Variants in CEP85L observed in about 807,000 individuals in gnomAD.
CEP85L encodes centrosomal protein of 85 kDa-like.
In CEP85L, 60 loss-of-function variants were observed where a neutral mutation model predicts 100.3. That is an observed-to-expected ratio of 0.60 (90% CI 0.49 to 0.74). The LOEUF is 0.74. CEP85L is among the 30% of genes least tolerant of loss of function. The probability of loss-of-function intolerance (pLI) is 0.00; values close to 1 mark genes in which losing one functional copy is unlikely to be tolerated. For synonymous variants in CEP85L, 319 were observed against 322.7 expected (o/e 0.99, Z 0.12); for missense variants, 973 against 936.2 (o/e 1.04, Z -0.51).
chr6:118,651,810 C>T (rs1775590677), upstream of CEP85L: 1 of 985,684 alleles, frequency 1.0e-6, no homozygotes, highest in Admixed American at 6.1e-5. Context: ...CATCCTCCCG[C>T]CCTGCGAGTT....
intron 4 of CEP85L, among the ~76,000 whole-genome samples, chr6:118,518,022 T>C (rs1234554372): frequency 8.5e-5 from 13 of 152,166 alleles, no homozygotes. Context: ...TTTTATGTGA[T>C]GGATTACATT....
intron 6 of CEP85L, among the ~76,000 whole-genome samples, chr6:118,484,269 T>C (rs891281119): frequency 6.6e-6 from 1 of 152,228 alleles, no homozygotes; most frequent in Non-Finnish European, 1.5e-5. Context: ...TGAGCCGAGA[T>C]TGTGCCACTG....
chr6:118,610,159 G>A (rs538207933), intron 2 of CEP85L, among the ~76,000 whole-genome samples: 2 of 152,100 alleles, frequency 1.3e-5, no homozygotes, highest in Non-Finnish European at 2.9e-5. Flanking sequence ...GAGGCTCAAA[G>A]AAGTCAGAAA....
At chr6:118,517,205 AGGATTGTCTT>A (rs1776335812) in intron 4 of CEP85L, among the ~76,000 whole-genome samples, 1 of 152,222 alleles carries the variant, frequency 6.6e-6, no homozygotes, top group Admixed American at 6.5e-5. Flanking sequence ...CTTTTTGCTT[AGGATTGTCTT>A]GGCTATCTAG....
At chr6:118,542,207 A>T (rs1159032998) in intron 3 of CEP85L, among the ~76,000 whole-genome samples, 1 of 152,200 alleles carries the variant, frequency 6.6e-6, no homozygotes, top group Non-Finnish European at 1.5e-5. Flanking sequence ...AATTTGTAAC[A>T]TATATTTTTA....
intron 3 of CEP85L, chr6:118,559,345 T>C: frequency 2.3e-6 from 1 of 435,046 alleles, no homozygotes. Flanking sequence ...TCAACATGGC[T>C]CACAAATTTC....
chr6:118,592,695 T>C (rs1364951628), intron 2 of CEP85L, among the ~76,000 whole-genome samples: 8 of 152,144 alleles, frequency 5.3e-5, no homozygotes, highest in Admixed American at 1.3e-4. Context: ...ATTTTTTAAT[T>C]AAATGAAAAA....
At chr6:118,520,500 A>G (rs1284638518) in intron 4 of CEP85L, among the ~76,000 whole-genome samples, 1 of 152,216 alleles carries the variant, frequency 6.6e-6, no homozygotes, top group Non-Finnish European at 1.5e-5. Flanking sequence ...AATTAGAGCA[A>G]TTAGCATATC....
intron 1 of CEP85L, among the ~76,000 whole-genome samples, chr6:118,650,225 C>T (rs1189748760): frequency 6.6e-6 from 1 of 152,112 alleles, no homozygotes; most frequent in East Asian, 1.9e-4. Flanking sequence ...GTATATATGG[C>T]ATTGTTTTTT....
chr6:118,703,606 T>G (rs568111766), intron 1 of CEP85L, among the ~76,000 whole-genome samples: 15 of 152,228 alleles, frequency 9.9e-5, no homozygotes, highest in South Asian at 6.2e-4. Flanking sequence ...AATATAAGTA[T>G]GTAACTTCAC....
chr6:118,709,530 G>GGTGTGTGTGTGTGTGTGTGT (rs1348981081), intron 1 of CEP85L, among the ~76,000 whole-genome samples: 1 of 9,222 alleles, frequency 1.1e-4, no homozygotes, highest in Non-Finnish European at 3.5e-4. Flanking sequence ...AACAACAATT[G>GGTGTGTGTGTGTGTGTGTGT]GCGTGTGTGT....
At chr6:118,646,660 CA>C (rs1049350003) in intron 1 of CEP85L, among the ~76,000 whole-genome samples, 2 of 150,986 alleles carry the variant, frequency 1.3e-5, no homozygotes, top group Admixed American at 6.6e-5. Flanking sequence ...GACTCTGTCT[CA>C]AAAAAAATAA....
intron 5 of CEP85L, among the ~76,000 whole-genome samples, chr6:118,510,057 G>C (rs1394698450): frequency 6.6e-6 from 1 of 152,048 alleles, no homozygotes. Context: ...AGAAGGAATA[G>C]ACAAACTTGT....
intron 5 of CEP85L, among the ~76,000 whole-genome samples, chr6:118,493,806 C>T (rs1337224281): frequency 6.6e-6 from 1 of 151,864 alleles, no homozygotes; most frequent in Non-Finnish European, 1.5e-5. Context: ...TAATTAGAGC[C>T]TATGATTATT....
At chr6:118,616,084 A>T (rs1203232050) in intron 2 of CEP85L, among the ~76,000 whole-genome samples, 1 of 152,164 alleles carries the variant, frequency 6.6e-6, no homozygotes, top group African/African-American at 2.4e-5. Flanking sequence ...CTCAAAATGG[A>T]TCACAAATAT....
chr6:118,637,703 CAAAA>C (rs11388747), intron 1 of CEP85L, among the ~76,000 whole-genome samples: 4 of 45,440 alleles, frequency 8.8e-5, no homozygotes, highest in Admixed American at 5.9e-4. Context: ...AAGACTGTCT[CAAAA>C]AAAAAAAAAA....
At chr6:118,467,515 A>T (rs1772618617) in intron 12 of CEP85L, among the ~76,000 whole-genome samples, 1 of 152,174 alleles carries the variant, frequency 6.6e-6, no homozygotes, top group Non-Finnish European at 1.5e-5. Context: ...ACTGGCTGGT[A>T]AAACTTTCAC....
At chr6:118,607,841 C>T (rs191390284) in intron 2 of CEP85L, among the ~76,000 whole-genome samples, 1 of 152,202 alleles carries the variant, frequency 6.6e-6, no homozygotes, top group African/African-American at 2.4e-5. Context: ...TTACTAGACC[C>T]CACCACTTAC....
chr6:118,551,003 A>G lies in CEP85L; in HGVS notation c.1020+14526T>C, dbSNP rs577497213. Among the ~76,000 whole-genome samples, 10 of 151,936 alleles carry G rather than the reference A, an allele frequency of 6.6e-5. No individual in the cohort carries two copies. In the South Asian group the frequency reaches 2.1e-3, roughly 32 times the overall value. On this transcript the variant is annotated intron_variant, in intron 3 of 12. Transcript: ENST00000368491. ...CTGCACAGACTTTAAAAAAAATAAC[A>G]CACCCCAATCAATCAAAGTTTCCTT...
Sources: allele counts gnomAD v4.1 joint callset (sites outside exome capture counted in the v4.1 genomes callset), GRCh38; gene constraint gnomAD v4.1.1; transcripts MANE v1.5; gene names NCBI Gene and HGNC (gene_info 2026-07-23, HGNC 2026-07-21).